The following NLRP7 variants were observed in gnomAD, a reference collection of about 807,000 sequenced individuals.
The protein encoded by NLRP7 is NLR family pyrin domain containing 7, also known as NACHT, LRR and PYD domains-containing protein 7.
A neutral mutation model predicts 85.5 loss-of-function variants in NLRP7; 72 were observed. That is an observed-to-expected ratio of 0.84 (90% CI 0.70 to 1.02). The LOEUF is 1.02. NLRP7 is among the 50% of genes least tolerant of loss of function. NLRP7 has a pLI of 0.00. For synonymous variants in NLRP7, 550 were observed against 505.2 expected (o/e 1.09, Z -1.19); for missense variants, 1,243 against 1,219.5 (o/e 1.02, Z -0.29).
exon 6 of NLRP7, chr19:54,936,325 G>A (rs143673542): frequency 1.7e-4 from 274 of 1,613,884 alleles, no homozygotes; most frequent in South Asian, 8.3e-4. Context: ...ATCATCGTGC[G>A]TTCCCACTCG....
At chr19:54,948,933 TC>T, upstream of NLRP7, 1 of 194,876 alleles carries the variant, frequency 5.1e-6, no homozygotes, top group Non-Finnish European at 1.1e-5. Context: ...AAGCAAATGG[TC>T]CCACAAATGA....
chr19:54,963,704 A>G (rs899072876), intron 1 of NLRP7, among the ~76,000 whole-genome samples: 7 of 151,200 alleles, frequency 4.6e-5, no homozygotes, highest in African/African-American at 1.7e-4. Flanking sequence ...CGCGCCTGTA[A>G]TCCCAGCTAT....
chr19:54,940,308 G>T (rs1406030074), exon 4 of NLRP7: 1 of 1,614,198 alleles, frequency 6.2e-7, no homozygotes, highest in Non-Finnish European at 8.5e-7. Context: ...ACCGTGTAAG[G>T]TGTTAGCTTC....
chr19:54,959,141 C>CTTTTTTTT (rs74177888), intron 1 of NLRP7, among the ~76,000 whole-genome samples: 1 of 134,676 alleles, frequency 7.4e-6, no homozygotes, highest in Non-Finnish European at 1.6e-5. Flanking sequence ...TTTTCTTTTT[C>CTTTTTTTT]TTTTTTTTTT....
At chr19:54,933,839 T>A in intron 7 of NLRP7, 100 bp from the exon 8 acceptor site, 1 of 1,010,076 alleles carries the variant, frequency 9.9e-7, no homozygotes, top group East Asian at 2.4e-5. Flanking sequence ...CTTCAGCCCT[T>A]CCTGTTCATC....
At chr19:54,961,498 C>CTAAATAAA (rs544604816) in intron 1 of NLRP7, among the ~76,000 whole-genome samples, 1 of 146,228 alleles carries the variant, frequency 6.8e-6, no homozygotes, top group Admixed American at 6.9e-5. Flanking sequence ...GACTTCATCT[C>CTAAATAAA]TAAATAAATA....
At chr19:54,957,414 T>C (rs34002372) in intron 1 of NLRP7, among the ~76,000 whole-genome samples, 23,980 of 149,826 alleles carry the variant, frequency 0.16, 2,114 homozygotes, top group East Asian at 0.36. Flanking sequence ...GGTGCGATCT[T>C]AGCTCACTGC....
chr19:54,934,747 T>A lies in NLRP7; in HGVS notation c.2301-88A>T. 1 of 1,134,556 alleles carries A rather than the reference T, an allele frequency of 8.8e-7. No homozygotes were observed. The highest frequency in any genetic ancestry group is 1.2e-6 in the Non-Finnish European group (1 of 804,666). 70.3% of individuals were successfully genotyped at this position (1,134,556 alleles called of 1,614,324 possible). ...TTTTTTGAGACAGAGTTTCACTCTG[T>A]TGCCCAGTCTGGAATGCAAAGGCGT... On this transcript the variant is annotated intron_variant, in intron 6 of 9. Coordinates refer to ENST00000340844, the Ensembl canonical transcript of NLRP7. This position sits in a 1 kb window ranked among gnomAD's most constrained non-coding sequence, Gnocchi z 6.7.
chr19:54,947,903 AC>A (rs1423192385), upstream of NLRP7: 1 of 272,492 alleles, frequency 3.7e-6, no homozygotes, highest in East Asian at 1.0e-4. Context: ...AAAAAAGAGG[AC>A]AAAAACTCCC....
Position 54,940,392 on chromosome 19 carries a change from T to C in NLRP7, c.427A>G (p.Ile143Val), listed in dbSNP as rs749411178. The C allele has an allele frequency of 2.5e-6, 4 of 1,614,002 alleles. No individual in the cohort carries two copies. The highest frequency in any genetic ancestry group is 2.7e-5 in the African/African-American group (2 of 74,930). The stretch of plus-strand genomic sequence containing the variant: ...GTGACGTCGTCATGGAAATTGTCAA[T>C]GTCTCCTTGCCAAAAGGTGTTCTTC... The change falls in exon 4 of 10, where the codon ATT (isoleucine) becomes GTT (valine). Residue 143 changes from isoleucine (I) to valine (V), a missense_variant. Ile to Val is a conservative substitution (Grantham distance 29, BLOSUM62 3). Coordinates refer to ENST00000340844, the Ensembl canonical transcript of NLRP7.
chr19:54,958,047 C>G (rs983825093), intron 1 of NLRP7, among the ~76,000 whole-genome samples: 3 of 151,950 alleles, frequency 2.0e-5, no homozygotes, highest in Non-Finnish European at 4.4e-5. Context: ...GAGACCGTGT[C>G]TTTACTAAAA....
intron 1 of NLRP7, among the ~76,000 whole-genome samples, chr19:54,946,724 C>T (rs1184481153): frequency 6.6e-6 from 1 of 152,056 alleles, no homozygotes; most frequent in Non-Finnish European, 1.5e-5. Flanking sequence ...ATTGCAACCT[C>T]CCCCTCCTAG....
intron 1 of NLRP7, among the ~76,000 whole-genome samples, chr19:54,946,572 C>T (rs145984134): frequency 3.3e-5 from 5 of 151,952 alleles, no homozygotes; most frequent in African/African-American, 1.2e-4. Context: ...CTCATTGCAG[C>T]CCCCACCTCC....
At chr19:54,936,007 G>C (rs2068906080) in intron 6 of NLRP7, among the ~76,000 whole-genome samples, 1 of 152,140 alleles carries the variant, frequency 6.6e-6, no homozygotes, top group Admixed American at 6.6e-5. Context: ...GTGCAGTCAG[G>C]AATAGCATGT....
chr19:54,938,027 G>C lies in NLRP7; in HGVS notation c.2129+17C>G, dbSNP rs750289445. 1 of 1,600,626 alleles carries C rather than the reference G, an allele frequency of 6.2e-7. No individual in the cohort carries two copies. Among genetic ancestry groups the C allele is most frequent in the South Asian group, 1.1e-5 (1 of 90,810 alleles). ...TCATCGTTCAGGGTCTTCCTTGCAA[G>C]ATGAGCTTCTACTTACTCCACTTTC... On this transcript the variant is annotated intron_variant, in intron 5 of 9. Coordinates refer to ENST00000340844, the Ensembl canonical transcript of NLRP7.
chr19:54,964,366 G>A (rs1381715275), intron 1 of NLRP7, among the ~76,000 whole-genome samples: 2 of 150,270 alleles, frequency 1.3e-5, no homozygotes, highest in Admixed American at 6.6e-5. Context: ...ACAGGTGCCC[G>A]CCACCACGCC....
chr19:54,947,685 T>C (rs561957397), upstream of NLRP7: 97 of 1,275,016 alleles, frequency 7.6e-5, no homozygotes, highest in East Asian at 4.1e-3. Context: ...TTGGCTGTAA[T>C]TGGGCTTCAG....
intron 1 of NLRP7, chr19:54,953,112 G>A (rs554484505): frequency 6.6e-6 from 1 of 152,258 alleles, no homozygotes; most frequent in Admixed American, 6.6e-5. Context: ...TAAGTCACAG[G>A]ATGAGATAAG....
exon 10 of NLRP7, chr19:54,923,558 G>A (rs371848162): frequency 2.7e-5 from 19 of 703,306 alleles, no homozygotes; most frequent in Middle Eastern, 3.9e-4. Context: ...AGTACATAGC[G>A]TCATGTGAAG....
Sources: allele counts gnomAD v4.1 joint callset (sites outside exome capture counted in the v4.1 genomes callset), GRCh38; gene constraint gnomAD v4.1.1; non-coding constraint Gnocchi (gnomAD v3.1); transcripts MANE v1.5; gene names NCBI Gene and HGNC (gene_info 2026-07-23, HGNC 2026-07-21).